The following CNTNAP2 variants were observed in gnomAD, a reference collection of about 807,000 sequenced individuals.
CNTNAP2 encodes the protein contactin associated protein 2.
CNTNAP2 carries 98 observed loss-of-function variants against 155.2 expected under a neutral mutation model. The ratio of observed to expected loss-of-function variants is 0.63; its 90% CI spans 0.54 to 0.75. CNTNAP2 has a LOEUF of 0.75. CNTNAP2 is among the 30% of genes least tolerant of loss of function. The pLI is 0.00. For missense variants in CNTNAP2, 1,727 were observed against 1,688.1 expected (o/e 1.02, Z -0.40); for synonymous variants, 651 against 631.2 (o/e 1.03, Z -0.47).
rs375191304 is a variant in CNTNAP2, at chr7:147,906,749, G to A, written c.2255+3028G>A. Among the ~76,000 whole-genome samples, 71 of 151,930 alleles carry A rather than the reference G, an allele frequency of 4.7e-4. No homozygotes were observed. The East Asian group carries it at 6.1e-3, about 13-fold the overall frequency. On this transcript the variant is annotated intron_variant, in intron 14 of 23. Transcript: ENST00000361727. The stretch of plus-strand genomic sequence containing the variant: ...TGCTGGGATTATAGGCGTGAGCCAC[G>A]GCGCCCAGTCACAAGATTGATTTTT...
At chr7:146,481,466 C>T (rs1309880135) in intron 1 of CNTNAP2, among the ~76,000 whole-genome samples, 1 of 152,188 alleles carries the variant, frequency 6.6e-6, no homozygotes, top group Non-Finnish European at 1.5e-5. Context: ...ATCTACTGCG[C>T]AGTGTTTTTG....
chr7:146,712,395 A>AC (rs1801111021), intron 1 of CNTNAP2, among the ~76,000 whole-genome samples: 2 of 64,626 alleles, frequency 3.1e-5, no homozygotes, highest in Non-Finnish European at 4.0e-5. Flanking sequence ...CTATATATAT[A>AC]AATAAAATAA....
chr7:147,045,677 G>A lies in CNTNAP2; in HGVS notation c.550+1623G>A, dbSNP rs1456626355. Among the ~76,000 whole-genome samples the A allele has an allele frequency of 2.6e-5, 4 of 152,248 alleles. No individual in the cohort carries two copies. In the East Asian group the frequency reaches 7.7e-4, roughly 29 times the overall value. On this transcript the variant is annotated intron_variant, in intron 4 of 23. Coordinates refer to ENST00000361727, the MANE Select transcript of CNTNAP2 (RefSeq NM_014141.6). Reference sequence around the variant, plus strand: ...TATGTGGTCTAGACATTCATGAACAGAGTGTCATGTTCACACATAGTCTTG... The same window carrying A: ...TATGTGGTCTAGACATTCATGAACAAAGTGTCATGTTCACACATAGTCTTG...
In CNTNAP2 at chr7:146,867,079, G is replaced by A. The variant is rs373124773; in HGVS notation, c.402+27175G>A. Among the ~76,000 whole-genome samples, 11 of 152,014 alleles carry A rather than the reference G, an allele frequency of 7.2e-5. No homozygotes were observed. In the East Asian group the frequency reaches 1.9e-3, roughly 27 times the overall value. ...AGGCTTGTTACATAGGTAAACACGT[G>A]TCACAGGGGTTTGCTGTAAATATTT... On this transcript the variant is annotated intron_variant, in intron 3 of 23. Coordinates refer to ENST00000361727, the MANE Select transcript of CNTNAP2 (RefSeq NM_014141.6).
chr7:147,017,688 C>T (rs1798748560), intron 3 of CNTNAP2, among the ~76,000 whole-genome samples: 1 of 151,778 alleles, frequency 6.6e-6, no homozygotes, highest in Admixed American at 6.6e-5. Flanking sequence ...ACTCTTTTTA[C>T]AATACACTCT....
At position 147,043,968 on chromosome 7, in the gene CNTNAP2, T is replaced by C. The variant is rs778256879; in HGVS notation, c.464T>C (p.Ile155Thr). The C allele has an allele frequency of 1.5e-5, 24 of 1,614,222 alleles. No homozygotes were observed. Among genetic ancestry groups the C allele is most frequent in the Non-Finnish European group, 1.9e-5 (23 of 1,180,026 alleles). ...CGGCACGAATTACAGCATCCGATTA[T>C]TGCCCGCTATGTGCGCATAGTGCCT... ...VVRHELQHPI[I>T]ARYVRIVPLD... is the part of the protein sequence containing the mutation. Residue 155 changes from isoleucine (I) to threonine (T), a missense_variant, in exon 4 of 24, where the codon ATT becomes ACT. Transcript: ENST00000361727.
intron 3 of CNTNAP2, among the ~76,000 whole-genome samples, chr7:146,883,839 GT>G (rs890560016): frequency 4.6e-5 from 7 of 152,004 alleles, no homozygotes; most frequent in South Asian, 2.1e-4. Context: ...ATTTCAAGCT[GT>G]TTTTTTAACA....
At chr7:146,579,118 A>C (rs988375380) in intron 1 of CNTNAP2, among the ~76,000 whole-genome samples, 1 of 152,138 alleles carries the variant, frequency 6.6e-6, no homozygotes, top group Non-Finnish European at 1.5e-5. Flanking sequence ...AGATGATTTC[A>C]TTACATATTT....
chr7:148,388,272 C>T (rs995870216), intron 22 of CNTNAP2, among the ~76,000 whole-genome samples: 47 of 150,906 alleles, frequency 3.1e-4, no homozygotes, highest in Non-Finnish European at 6.3e-4. Context: ...TTAGGTATAT[C>T]TCCCAGTGCT....
intron 13 of CNTNAP2, among the ~76,000 whole-genome samples, chr7:147,643,128 C>A (rs1795311359): frequency 6.6e-6 from 1 of 152,024 alleles, no homozygotes; most frequent in African/African-American, 2.4e-5. Context: ...GAAACACTGT[C>A]TTTAATTTAT....
chr7:146,550,413 T>TTTTTTTTTG (rs1798101048), intron 1 of CNTNAP2, among the ~76,000 whole-genome samples: 1 of 117,120 alleles, frequency 8.5e-6, no homozygotes, highest in Non-Finnish European at 2.0e-5. Context: ...TTTTTTTTTT[T>TTTTTTTTTG]TTTTTTTTTT....
intron 3 of CNTNAP2, among the ~76,000 whole-genome samples, chr7:146,897,504 A>G (rs949343482): frequency 4.6e-5 from 7 of 152,120 alleles, no homozygotes; most frequent in African/African-American, 1.4e-4. Flanking sequence ...CTCGAGACCT[A>G]CGTTGTAGAA....
At chr7:146,126,432 A>G (rs1037377323) in intron 1 of CNTNAP2, among the ~76,000 whole-genome samples, 8 of 152,222 alleles carry the variant, frequency 5.3e-5, no homozygotes, top group South Asian at 4.1e-4. Flanking sequence ...TTAAATCATA[A>G]TATATATGTC....
At chr7:147,337,472 A>T (rs1244228201) in intron 9 of CNTNAP2, among the ~76,000 whole-genome samples, 1 of 152,114 alleles carries the variant, frequency 6.6e-6, no homozygotes, top group Non-Finnish European at 1.5e-5. Flanking sequence ...TTACTCTGAG[A>T]ACTACAAGTG....
intron 11 of CNTNAP2, among the ~76,000 whole-genome samples, chr7:147,546,647 C>T (rs545900739): frequency 2.6e-5 from 4 of 152,198 alleles, no homozygotes; most frequent in Admixed American, 2.6e-4. Flanking sequence ...TTGTGTGACC[C>T]CTTGGAGCTT....
chr7:147,730,213 G>T (rs920134227), intron 13 of CNTNAP2, among the ~76,000 whole-genome samples: 1 of 152,014 alleles, frequency 6.6e-6, no homozygotes, highest in South Asian at 2.1e-4. Context: ...GAACAATTAC[G>T]GTCCTTTCAG....
chr7:147,728,188 TG>T (rs537331965), intron 13 of CNTNAP2, among the ~76,000 whole-genome samples: 88,054 of 151,860 alleles, frequency 0.58, 28,381 homozygotes, highest in East Asian at 0.9. Context: ...TGTGTGTGTG[TG>T]TGTGTGTGAT....
chr7:147,957,817 A>G (rs368567161), intron 14 of CNTNAP2, among the ~76,000 whole-genome samples: 13 of 152,314 alleles, frequency 8.5e-5, no homozygotes, highest in East Asian at 1.9e-4. Context: ...TCTTATGCCT[A>G]TAATCTCAGC....
At chr7:146,942,068 T>C (rs1797068586) in intron 3 of CNTNAP2, among the ~76,000 whole-genome samples, 1 of 152,140 alleles carries the variant, frequency 6.6e-6, no homozygotes, top group Non-Finnish European at 1.5e-5. Context: ...CTGCTCCTAT[T>C]TCTTTAAATA....
Sources: gnomAD v4.1 joint callset for allele counts (sites outside exome capture counted in the v4.1 genomes callset) on GRCh38, gnomAD v4.1.1 for gene constraint, MANE v1.5 for transcripts, NCBI Gene and HGNC (gene_info 2026-07-23, HGNC 2026-07-21) for gene names.